Variants in CDH2 observed in about 807,000 individuals in gnomAD.
CDH2 encodes the protein cadherin-2.
A neutral mutation model predicts 92.0 loss-of-function variants in CDH2; 17 were observed. That is an observed-to-expected ratio of 0.18 (90% confidence interval 0.13 to 0.28). The LOEUF (loss-of-function observed/expected upper bound fraction) is 0.28, where lower values mean the gene tolerates loss of function less well. Ranked by LOEUF, CDH2 falls within the 10% of genes least tolerant of loss-of-function variation. The pLI is 1.00. For missense variants in CDH2, 862 were observed against 1,133.1 expected, an observed-to-expected ratio of 0.76 and a Z score of 3.44; for synonymous variants, 419 against 415.9, an observed-to-expected ratio of 1.01 and a Z score of -0.09.
intron 2 of CDH2, among the ~76,000 whole-genome samples, chr18:28,096,186 A>G (rs536663723): frequency 2.2e-4 from 33 of 152,328 alleles, no homozygotes; most frequent in Non-Finnish European, 4.7e-4. Context: ...AAAAACATAT[A>G]TAACTTGGAA....
intron 14 of CDH2, among the ~76,000 whole-genome samples, chr18:27,967,536 C>T (rs1385548921): frequency 6.6e-6 from 1 of 152,190 alleles, no homozygotes; most frequent in African/African-American, 2.4e-5. Flanking sequence ...GCTCCTAAAA[C>T]TCAAAGAGTG....
chr18:27,970,851 G>A (rs1052403453), intron 14 of CDH2, among the ~76,000 whole-genome samples: 1 of 152,176 alleles, frequency 6.6e-6, no homozygotes, highest in African/African-American at 2.4e-5. Context: ...AGTAGTCATA[G>A]ATAACACATA....
chr18:28,110,598 T>A (rs2015395196), intron 2 of CDH2, among the ~76,000 whole-genome samples: 1 of 152,118 alleles, frequency 6.6e-6, no homozygotes, highest in Non-Finnish European at 1.5e-5. Flanking sequence ...GCAGGAGTCA[T>A]GAGAAGTGGG....
intron 2 of CDH2, among the ~76,000 whole-genome samples, chr18:28,099,414 T>C (rs971758668): frequency 6.6e-6 from 1 of 152,190 alleles, no homozygotes; most frequent in Non-Finnish European, 1.5e-5. Flanking sequence ...AAGTTATTTA[T>C]AGCTGATACA....
At chr18:27,952,903 A>G (rs1490367026) in intron 15 of CDH2, among the ~76,000 whole-genome samples, 1 of 152,166 alleles carries the variant, frequency 6.6e-6, no homozygotes. Flanking sequence ...GGGGAAAAAA[A>G]TTCACATCAG....
At chr18:28,132,235 A>G (rs998302558) in intron 2 of CDH2, among the ~76,000 whole-genome samples, 1 of 152,214 alleles carries the variant, frequency 6.6e-6, no homozygotes, top group Non-Finnish European at 1.5e-5. Context: ...AACTCACTGC[A>G]CGGAACAGAA....
rs1599057888 is a variant in CDH2 at position 28,043,611 on chromosome 18, A to C, written c.173-29702T>G. Among the ~76,000 whole-genome samples, 7 of 149,476 alleles carry C rather than the reference A, an allele frequency of 4.7e-5. 1 individual carries two copies. Among genetic ancestry groups the C allele is most frequent in the Admixed American group, 1.3e-4 (2 of 14,956 alleles). ...GGCTGATGGCACTGAGTTTTCTTCC[A>C]TTACATCTAATTTCACTCCAAACTT... On this transcript the variant is annotated intron_variant, in intron 2 of 15. Transcript: ENST00000269141.
intron 13 of CDH2, 56 bp from the exon 14 acceptor site, chr18:27,983,139 T>C: frequency 7.1e-7 from 1 of 1,406,314 alleles, no homozygotes; most frequent in Non-Finnish European, 9.9e-7. Flanking sequence ...GCCTGGCCTA[T>C]TTAGTCACAG....
intron 2 of CDH2, among the ~76,000 whole-genome samples, chr18:28,084,644 G>A (rs1489739899): frequency 6.6e-6 from 1 of 151,666 alleles, no homozygotes; most frequent in Non-Finnish European, 1.5e-5. Context: ...GCTCTTACCA[G>A]CTTATGGGCC....
intron 2 of CDH2, among the ~76,000 whole-genome samples, chr18:28,103,258 A>AAGTATATATATAT (rs2015260637): frequency 6.9e-6 from 1 of 145,586 alleles, no homozygotes; most frequent in African/African-American, 2.5e-5. Context: ...TATATATATA[A>AAGTATATATATAT]AAACTCCTTT....
At chr18:27,972,548 C>T (rs28365272) in intron 14 of CDH2, among the ~76,000 whole-genome samples, 2 of 152,128 alleles carry the variant, frequency 1.3e-5, no homozygotes, top group Non-Finnish European at 2.9e-5. Context: ...TGACACAGAA[C>T]AAATATGCAA....
intron 6 of CDH2, 95 bp downstream of exon 6, chr18:28,005,754 G>T: frequency 2.7e-6 from 2 of 742,218 alleles, no homozygotes; most frequent in South Asian, 3.7e-5. Context: ...GATCCAAAAA[G>T]CCTCATATGA....
intron 14 of CDH2, among the ~76,000 whole-genome samples, chr18:27,978,694 A>T (rs1197823414): frequency 6.6e-6 from 1 of 151,942 alleles, no homozygotes; most frequent in African/African-American, 2.4e-5. Context: ...TCTGTGGCCC[A>T]GACTCTGGAG....
intron 2 of CDH2, among the ~76,000 whole-genome samples, chr18:28,138,352 A>C (rs759425563): frequency 1.3e-5 from 2 of 152,128 alleles, no homozygotes; most frequent in Non-Finnish European, 2.9e-5. Flanking sequence ...ACTTAACAGG[A>C]GCCAACAGAA....
At chr18:28,086,227 A>G (rs1367772042) in intron 2 of CDH2, among the ~76,000 whole-genome samples, 2 of 152,196 alleles carry the variant, frequency 1.3e-5, no homozygotes, top group South Asian at 2.1e-4. Context: ...CAGGATTATT[A>G]TACTATTTTA....
chr18:28,039,054 T>C (rs926936986), intron 2 of CDH2, among the ~76,000 whole-genome samples: 1 of 152,192 alleles, frequency 6.6e-6, no homozygotes, highest in Non-Finnish European at 1.5e-5. Context: ...ATCTCTGGGA[T>C]TGTACACAGG....
chr18:28,003,508 C>A (rs1328090531), intron 6 of CDH2, among the ~76,000 whole-genome samples: 1 of 152,038 alleles, frequency 6.6e-6, no homozygotes, highest in Non-Finnish European at 1.5e-5. Context: ...AATACAGATA[C>A]CATTAGAAAA....
At position 27,952,309 on chromosome 18, in the gene CDH2, C is replaced by T; in HGVS notation, c.2565G>A (p.Leu855=). Reference sequence around the variant, plus strand: ...CACTGCCTTCATAGTCAAACACTAACAGGGAGTCATATGGTGGAGCTGTGG... The same window carrying T: ...CACTGCCTTCATAGTCAAACACTAATAGGGAGTCATATGGTGGAGCTGTGG... ...NDPTAPPYDS[L]LVFDYEGSGS... The change falls in exon 16 of 16, where the codon CTG becomes CTA. Residue 855 remains leucine, a synonymous_variant. Coordinates refer to ENST00000269141, the MANE Select transcript of CDH2 (RefSeq NM_001792.5). 2 of 1,613,564 alleles carry T rather than the reference C, an allele frequency of 1.2e-6. No homozygotes were observed.
intron 2 of CDH2, among the ~76,000 whole-genome samples, chr18:28,128,790 T>C (rs1279856108): frequency 6.6e-6 from 1 of 152,126 alleles, no homozygotes; most frequent in African/African-American, 2.4e-5. Flanking sequence ...ATGCTGGGTT[T>C]AGCATTAACC....
Sources: gnomAD v4.1 joint callset for allele counts (sites outside exome capture counted in the v4.1 genomes callset) on GRCh38, gnomAD v4.1.1 for gene constraint, MANE v1.5 for transcripts, NCBI Gene and HGNC (gene_info 2026-07-23, HGNC 2026-07-21) for gene names.